The following HMBOX1 variants were observed in gnomAD, a reference collection of about 807,000 sequenced individuals.
HMBOX1 encodes homeobox containing 1, also known as homeobox-containing protein 1.
A neutral mutation model predicts 54.5 loss-of-function variants in HMBOX1; 14 were observed. That is an observed-to-expected ratio of 0.26 (90% CI 0.17 to 0.40). The LOEUF is 0.40. Ranked by LOEUF, HMBOX1 falls within the 10% of genes least tolerant of loss-of-function variation. The pLI is 1.00. For synonymous variants in HMBOX1, 160 were observed against 181.0 expected, an observed-to-expected ratio of 0.88 and a Z score of 0.93; for missense variants, 332 against 514.4, an observed-to-expected ratio of 0.65 and a Z score of 3.43.
chr8:28,918,194 GTTATTTTTATTT>G (rs983654983), intron 1 of HMBOX1, among the ~76,000 whole-genome samples: 2 of 151,968 alleles, frequency 1.3e-5, no homozygotes, highest in African/African-American at 2.4e-5. Context: ...AACTATTCAT[GTTATTTTTATTT>G]TTATTTTTAT....
chr8:29,018,975 A>G (rs900150518), intron 6 of HMBOX1, 62 bp downstream of exon 6: 1 of 1,466,704 alleles, frequency 6.8e-7, no homozygotes, highest in Admixed American at 1.8e-5. Flanking sequence ...AACTCTGGAT[A>G]GACTGGGACA....
intron 1 of HMBOX1, among the ~76,000 whole-genome samples, chr8:28,928,719 T>A (rs567488534): frequency 6.6e-6 from 1 of 151,966 alleles, no homozygotes; most frequent in Non-Finnish European, 1.5e-5. Context: ...AAAGAGAAAA[T>A]AAGGATAACT....
At chr8:29,036,187 T>G (rs1213799662) in intron 6 of HMBOX1, among the ~76,000 whole-genome samples, 1 of 152,180 alleles carries the variant, frequency 6.6e-6, no homozygotes, top group Admixed American at 6.5e-5. Flanking sequence ...AATGAAACAT[T>G]TAAACATAGA....
intron 1 of HMBOX1, among the ~76,000 whole-genome samples, chr8:28,939,653 G>C (rs1249484893): frequency 6.6e-6 from 1 of 151,522 alleles, no homozygotes; most frequent in Non-Finnish European, 1.5e-5. Flanking sequence ...GGGACTACAG[G>C]CACCCACCAC....
intron 1 of HMBOX1, among the ~76,000 whole-genome samples, chr8:28,952,293 G>A (rs1387732879): frequency 6.6e-6 from 1 of 152,126 alleles, no homozygotes; most frequent in East Asian, 1.9e-4. Flanking sequence ...GAGTGCAGTG[G>A]CATGATCTTG....
intron 1 of HMBOX1, among the ~76,000 whole-genome samples, chr8:28,906,069 G>C (rs534161837): frequency 6.6e-6 from 1 of 152,238 alleles, no homozygotes; most frequent in Admixed American, 6.5e-5. Context: ...TAATCAGAGA[G>C]GTCCAGAAAC....
At chr8:28,915,116 T>C (rs755040221) in intron 1 of HMBOX1, among the ~76,000 whole-genome samples, 1 of 152,214 alleles carries the variant, frequency 6.6e-6, no homozygotes, top group Non-Finnish European at 1.5e-5. Context: ...GTTGTTGTAG[T>C]GTTGTGTTGT....
chr8:29,050,160 A>G (rs1177679744), intron 9 of HMBOX1: 14 of 813,482 alleles, frequency 1.7e-5, no homozygotes, highest in Non-Finnish European at 2.1e-5. Context: ...CAGATGCCCT[A>G]AGGGCAGCAC....
At chr8:28,988,925 A>C (rs1443720945) in intron 4 of HMBOX1, among the ~76,000 whole-genome samples, 2 of 152,088 alleles carry the variant, frequency 1.3e-5, no homozygotes, top group Non-Finnish European at 2.9e-5. Flanking sequence ...TTATGAAGTT[A>C]TATTTATCAT....
chr8:28,961,360 A>G (rs973606302), intron 1 of HMBOX1, among the ~76,000 whole-genome samples: 1 of 151,948 alleles, frequency 6.6e-6, no homozygotes, highest in African/African-American at 2.4e-5. Context: ...TTAAATAATA[A>G]CTTCTCATTA....
chr8:28,931,699 G>T (rs555628616), intron 1 of HMBOX1, among the ~76,000 whole-genome samples: 41 of 152,118 alleles, frequency 2.7e-4, no homozygotes, highest in Non-Finnish European at 4.4e-4. Context: ...GTACCACTGT[G>T]CCCAGCTTAT....
intron 1 of HMBOX1, among the ~76,000 whole-genome samples, chr8:28,895,765 A>C (rs565271089): frequency 6.6e-6 from 1 of 152,130 alleles, no homozygotes; most frequent in Non-Finnish European, 1.5e-5. Flanking sequence ...AATTGGATGA[A>C]GTTCTCACTC....
At chr8:29,028,553 T>TTTTTCAG (rs1384620013) in intron 6 of HMBOX1, among the ~76,000 whole-genome samples, 3 of 152,074 alleles carry the variant, frequency 2.0e-5, no homozygotes, top group African/African-American at 7.3e-5. Context: ...TACTTTTAAT[T>TTTTTCAG]TTTTCAGTGA....
chr8:29,019,736 A>G (rs976089131), intron 6 of HMBOX1, among the ~76,000 whole-genome samples: 1 of 152,186 alleles, frequency 6.6e-6, no homozygotes, highest in African/African-American at 2.4e-5. Context: ...CTCAGCTGTA[A>G]CTTCATGTCT....
At chr8:28,900,919 T>C (rs773782856) in intron 1 of HMBOX1, among the ~76,000 whole-genome samples, 4 of 152,210 alleles carry the variant, frequency 2.6e-5, no homozygotes, top group Non-Finnish European at 5.9e-5. Context: ...ACTCTTAGAA[T>C]ATTGAGCTGG....
chr8:28,983,654 A>T (rs1403657460), intron 4 of HMBOX1, among the ~76,000 whole-genome samples: 2 of 152,172 alleles, frequency 1.3e-5, no homozygotes, highest in African/African-American at 4.8e-5. Flanking sequence ...TTCCATGTTT[A>T]CCTAGCTACC....
chr8:28,900,447 A>G (rs972613088), intron 1 of HMBOX1, among the ~76,000 whole-genome samples: 2 of 151,668 alleles, frequency 1.3e-5, no homozygotes, highest in South Asian at 2.1e-4. Context: ...AACCTATTAT[A>G]TGCTTTGTTC....
At chr8:28,924,208 G>A (rs545796453) in intron 1 of HMBOX1, among the ~76,000 whole-genome samples, 3 of 151,066 alleles carry the variant, frequency 2.0e-5, no homozygotes, top group South Asian at 2.1e-4. Context: ...CCGGGTTCAC[G>A]CCATTCTCCT....
At chr8:28,986,849 G>A (rs1465566963) in intron 4 of HMBOX1, among the ~76,000 whole-genome samples, 1 of 151,866 alleles carries the variant, frequency 6.6e-6, no homozygotes, top group African/African-American at 2.4e-5. Context: ...CATAATACAT[G>A]AAGTTACTTT....
Sources: allele counts gnomAD v4.1 joint callset (sites outside exome capture counted in the v4.1 genomes callset), GRCh38; gene constraint gnomAD v4.1.1; transcripts MANE v1.5; gene names NCBI Gene and HGNC (gene_info 2026-07-23, HGNC 2026-07-21).